SKP2: variants seen among roughly 807,000 people sequenced by gnomAD.
SKP2 encodes S-phase kinase-associated protein 2.
A neutral mutation model predicts 51.8 loss-of-function variants in SKP2; 16 were observed. That is an observed-to-expected ratio of 0.31 (90% CI 0.21 to 0.47). SKP2 has a LOEUF of 0.47. Ranked by LOEUF, SKP2 falls within the 20% of genes least tolerant of loss-of-function variation. SKP2 has a pLI of 1.00. For missense variants in SKP2, 377 were observed against 505.3 expected (o/e 0.75, Z 2.43); for synonymous variants, 176 against 198.6 (o/e 0.89, Z 0.96).
At chr5:36,158,541 T>C (rs1745024172) in intron 2 of SKP2, among the ~76,000 whole-genome samples, 1 of 152,228 alleles carries the variant, frequency 6.6e-6, no homozygotes, top group Non-Finnish European at 1.5e-5. Flanking sequence ...TCTAGGACCT[T>C]GCTCCTTCCA....
Position 36,177,007 on chromosome 5 carries a change from T to G in SKP2, c.944T>G (p.Leu315Arg). 1.3e-6 allele frequency: 2 copies of G among 1,593,002 alleles called. No individual in the cohort carries two copies. The highest frequency in any genetic ancestry group is 1.7e-6 in the Non-Finnish European group (2 of 1,166,384). ...AGAAGATGCCCCAATCTTGTCCATC[T>G]AGACTTAAGGTATTTTTTTATTTGT... is the stretch of plus-strand genomic sequence containing the variant. The part of the protein sequence containing the change: ...LVRRCPNLVH[L>R]DLSDSVMLKN... Residue 315 changes from leucine (L) to arginine (R), a missense_variant, in exon 8 of 10, where the codon CTA becomes CGA. Physicochemically the swap from Leu to Arg is moderately radical, Grantham distance 102. Transcript: ENST00000274255.
intron 7 of SKP2, among the ~76,000 whole-genome samples, chr5:36,176,244 C>G (rs2112000999): frequency 6.6e-6 from 1 of 151,584 alleles, no homozygotes; most frequent in Non-Finnish European, 1.5e-5. Context: ...TCTTTTTTCT[C>G]TTTATATAAG....
At chr5:36,169,458 A>G (rs1745399697) in intron 5 of SKP2, among the ~76,000 whole-genome samples, 1 of 152,074 alleles carries the variant, frequency 6.6e-6, no homozygotes. Context: ...AAAAAAATAA[A>G]AAAAGGGAAG....
intron 2 of SKP2, among the ~76,000 whole-genome samples, chr5:36,154,619 C>T (rs1410344082): frequency 6.6e-6 from 1 of 152,176 alleles, no homozygotes; most frequent in African/African-American, 2.4e-5. Context: ...ACTGTCTTCA[C>T]CTGGATTCGA....
chr5:36,167,657 G>A (rs532855308), intron 4 of SKP2, among the ~76,000 whole-genome samples: 120 of 151,818 alleles, frequency 7.9e-4, no homozygotes, highest in African/African-American at 2.9e-3. Context: ...GTCTTGCTGT[G>A]TCACCCAGGC....
At chr5:36,156,374 T>G (rs1744947829) in intron 2 of SKP2, among the ~76,000 whole-genome samples, 1 of 152,206 alleles carries the variant, frequency 6.6e-6, no homozygotes, top group Non-Finnish European at 1.5e-5. Flanking sequence ...CTGCTGTACA[T>G]AGATATCTGA....
At position 36,182,434 on chromosome 5, in the gene SKP2, C is replaced by T. The variant is rs574409426; in HGVS notation, c.*403C>T. The T allele has an allele frequency of 2.0e-6, 2 of 993,630 alleles. No individual in the cohort carries two copies. The highest frequency in any genetic ancestry group is 2.4e-6 in the Non-Finnish European group (2 of 833,602). The allele number at this position is 993,630 out of a possible 1,614,324, so 61.6% of individuals were successfully genotyped here. On this transcript the variant is annotated 3_prime_UTR_variant, in exon 10 of 10. Transcript: ENST00000274255. The stretch of plus-strand genomic sequence containing the variant: ...TTATCTATTTAATTTTATAGTATTG[C>T]TTTATAAGACAGCTTAGAAGAACAA...
intron 3 of SKP2, among the ~76,000 whole-genome samples, chr5:36,165,727 AAAAG>A (rs1745263546): frequency 6.6e-6 from 1 of 152,336 alleles, no homozygotes; most frequent in Non-Finnish European, 1.5e-5. Flanking sequence ...GCACTATTAA[AAAAG>A]AAAATTCTAG....
chr5:36,163,309 G>T (rs27129), intron 2 of SKP2, among the ~76,000 whole-genome samples: 2 of 152,028 alleles, frequency 1.3e-5, no homozygotes, highest in Admixed American at 6.5e-5. Flanking sequence ...TCATGCCACA[G>T]CCTCCGATTG....
intron 7 of SKP2, among the ~76,000 whole-genome samples, chr5:36,175,684 G>A (rs762321144): frequency 6.6e-6 from 1 of 150,784 alleles, no homozygotes; most frequent in Non-Finnish European, 1.5e-5. Context: ...AGTGTGTTTT[G>A]ACCAAGTTGA....
intron 6 of SKP2, among the ~76,000 whole-genome samples, chr5:36,189,462 T>G (rs753084257): frequency 2.0e-5 from 3 of 152,244 alleles, no homozygotes; most frequent in African/African-American, 4.8e-5. Context: ...GCTGCACGTC[T>G]GTTGGAGTTT....
intron 7 of SKP2, among the ~76,000 whole-genome samples, chr5:36,173,661 G>C (rs1333374640): frequency 6.6e-6 from 1 of 152,160 alleles, no homozygotes; most frequent in East Asian, 1.9e-4. Context: ...AGAACAGAGA[G>C]CCTGTTTACC....
At chr5:36,165,750 A>G (rs756926054) in intron 3 of SKP2, among the ~76,000 whole-genome samples, 3 of 152,240 alleles carry the variant, frequency 2.0e-5, no homozygotes, top group Non-Finnish European at 2.9e-5. Flanking sequence ...AGTACACCTA[A>G]GCATTTAAAA....
chr5:36,182,534 A>G lies in SKP2; in HGVS notation c.*503A>G, dbSNP rs946397586. On this transcript the variant is annotated 3_prime_UTR_variant, in exon 10 of 10. Transcript: ENST00000274255. ...GCGTCTGAGGCCATCTTTTCTAGGA[A>G]TAGGAAAGAGAAAAATGTATTTGAA... 6.1e-6 allele frequency: 6 copies of G among 985,036 alleles called. No homozygotes were observed. The highest frequency in any genetic ancestry group is 7.2e-6 in the Non-Finnish European group (6 of 829,496). 61.0% of individuals were successfully genotyped at this position (985,036 alleles called of 1,614,324 possible). A position where few individuals can be genotyped will look rare whatever the true frequency, so the allele number is the denominator to read the frequency against.
At position 36,183,776 on chromosome 5, in the gene SKP2, G is replaced by T. The variant is rs1745891308; in HGVS notation, c.*1745G>T. ...TTTAAAGTTGGGTTGCACAGGAAATGATGATGCTTCAATTTCTTAATAGTT... is the reference window on the plus strand; with the variant it reads ...TTTAAAGTTGGGTTGCACAGGAAATTATGATGCTTCAATTTCTTAATAGTT... On this transcript the variant is annotated 3_prime_UTR_variant, in exon 10 of 10. Transcript: ENST00000274255. 2 of 1,477,868 alleles carry T rather than the reference G, an allele frequency of 1.4e-6. No homozygotes were observed. Among genetic ancestry groups the T allele is most frequent in the Non-Finnish European group, 1.8e-6 (2 of 1,118,168 alleles). The allele number at this position is 1,477,868 out of a possible 1,614,324, so 91.5% of individuals were successfully genotyped here.
In SKP2 at chr5:36,152,961, CG is replaced by C. The variant is rs1561529150; in HGVS notation, c.201del (p.Lys68AsnfsTer3). 1.2e-6 allele frequency: 2 copies of C among 1,614,090 alleles called. No individual in the cohort carries two copies. Among genetic ancestry groups the C allele is most frequent in the Non-Finnish European group, 8.5e-7 (1 of 1,180,008 alleles). On this transcript the variant is annotated frameshift_variant, in exon 2 of 10. Transcript: ENST00000274255. LOFTEE classifies it high-confidence loss of function. ...CCTGGGCCACCCGGAGAGCCCCCCA[CG>C]GAAACGGCTGAAGAGCAAAGGGAGT... ...SNLGHPESPP[R>X]KRLKSKGSDK...
At position 36,183,992 on chromosome 5, in the gene SKP2, G is replaced by A. The variant is rs768997900; in HGVS notation, c.*1961G>A. On this transcript the variant is annotated 3_prime_UTR_variant, in exon 10 of 10. Transcript: ENST00000274255. ...TTTGTATGTGATTTCTACTTTTATA[G>A]ACTTGTTTTAAAACAATAAAACACA... is the stretch of plus-strand genomic sequence containing the variant. The A allele has an allele frequency of 2.5e-6, 4 of 1,581,416 alleles. No homozygotes were observed. In the Admixed American group the frequency reaches 5.2e-5, roughly 20 times the overall value.
intron 2 of SKP2, among the ~76,000 whole-genome samples, chr5:36,154,179 A>AT (rs1744864765): frequency 6.6e-6 from 1 of 152,140 alleles, no homozygotes; most frequent in African/African-American, 2.4e-5. Context: ...GGGTGGGAAG[A>AT]TAGAGTGCAC....
chr5:36,168,097 T>C (rs532671193), intron 4 of SKP2, among the ~76,000 whole-genome samples: 2 of 152,308 alleles, frequency 1.3e-5, no homozygotes, highest in Admixed American at 1.3e-4. Flanking sequence ...CAGCAACATC[T>C]GTACTTGGCA....
Sources: gnomAD v4.1 joint callset for allele counts (sites outside exome capture counted in the v4.1 genomes callset) on GRCh38, gnomAD v4.1.1 for gene constraint, MANE v1.5 for transcripts, NCBI Gene and HGNC (gene_info 2026-07-23, HGNC 2026-07-21) for gene names.